The following PARP12 variants were observed in gnomAD, a reference collection of about 807,000 sequenced individuals.
PARP12 encodes poly(ADP-ribose) polymerase family member 12.
PARP12 carries 59 observed loss-of-function variants against 72.4 expected under a neutral mutation model. The ratio of observed to expected loss-of-function variants is 0.81; its 90% CI spans 0.66 to 1.01. PARP12 has a LOEUF of 1.01. PARP12 is among the 50% of genes least tolerant of loss of function. The pLI, the probability that PARP12 is intolerant of heterozygous loss-of-function variation, is 0.00. For missense variants in PARP12, 851 were observed against 914.0 expected (o/e 0.93, Z 0.89); for synonymous variants, 403 against 371.4 (o/e 1.09, Z -0.98).
chr7:140,060,755 G>A (rs1401585854), intron 1 of PARP12, among the ~76,000 whole-genome samples: 1 of 149,598 alleles, frequency 6.7e-6, no homozygotes, highest in Non-Finnish European at 1.5e-5. Flanking sequence ...GCTCTCCCCT[G>A]GACTGCCTCA....
chr7:140,025,364 C>A, intron 11 of PARP12: 2 of 301,012 alleles, frequency 6.6e-6, no homozygotes, highest in Middle Eastern at 4.1e-4. Flanking sequence ...GTCACCTGTA[C>A]ATTTAAATCC....
Position 140,024,648 on chromosome 7 carries a change from T to A in PARP12, c.2018A>T (p.Tyr673Phe). The change falls in exon 12 of 12, where the codon TAT becomes TTT. Residue 673 changes from tyrosine to phenylalanine, a missense_variant. Around this residue, in one of 3 missense-constraint regions of PARP12, gnomAD observed 347 missense variants for 396.1 expected, o/e 0.88. Coordinates refer to ENST00000263549, the MANE Select transcript of PARP12 (RefSeq NM_022750.4). ...GGAGGAGGTGGTGTACTGGATGACA[T>A]ACTCTGGGTAGACCTGGTGTTTCTC... ...IFEKHQVYPE[Y>F]VIQYTTSSKP... 6.2e-7 allele frequency: 1 copy of A among 1,614,054 alleles called. No individual in the cohort carries two copies. Among genetic ancestry groups the A allele is most frequent in the Non-Finnish European group, 8.5e-7 (1 of 1,180,010 alleles).
chr7:140,036,769 A>C (rs1816218445), intron 7 of PARP12, among the ~76,000 whole-genome samples: 3 of 152,140 alleles, frequency 2.0e-5, no homozygotes, highest in Non-Finnish European at 4.4e-5. Context: ...ATAAAGCTGG[A>C]CCGATACACT....
At chr7:140,056,388 G>A (rs1303144836) in intron 3 of PARP12, among the ~76,000 whole-genome samples, 3 of 152,184 alleles carry the variant, frequency 2.0e-5, no homozygotes, top group Non-Finnish European at 2.9e-5. Context: ...TTGATGTCAG[G>A]AATACAGCCA....
intron 4 of PARP12, among the ~76,000 whole-genome samples, chr7:140,052,568 G>A (rs997673477): frequency 1.3e-5 from 2 of 152,012 alleles, no homozygotes; most frequent in Middle Eastern, 3.2e-3. Flanking sequence ...TTTGATAGGG[G>A]CTCTTTCCAA....
rs201384996 is a variant in PARP12, at chr7:140,027,416, G to T, written c.1498-10C>A. The T allele has an allele frequency of 9.9e-6, 16 of 1,613,030 alleles. No homozygotes were observed. Among genetic ancestry groups the T allele is most frequent in the Non-Finnish European group, 1.4e-5 (16 of 1,179,282 alleles). ...AACTAAGGGTGATCTTCTGCAAGGG[G>T]CAAATGTTTTTAATGCATTACCATC... On this transcript the variant is annotated splice_polypyrimidine_tract_variant and intron_variant, in intron 9 of 11. Transcript: ENST00000263549.
At chr7:140,061,691 C>A (rs1817450426) in intron 1 of PARP12, among the ~76,000 whole-genome samples, 1 of 152,204 alleles carries the variant, frequency 6.6e-6, no homozygotes, top group Admixed American at 6.5e-5. Flanking sequence ...CCTCAGCAAT[C>A]CCTTCCACAC....
Position 140,037,860 on chromosome 7 carries a change from C to T in PARP12, c.1183-4G>A, listed in dbSNP as rs371070621. 6.9e-6 allele frequency: 11 copies of T among 1,602,082 alleles called. No homozygotes were observed. In the East Asian group the frequency reaches 1.1e-4, roughly 16 times the overall value. The stretch of plus-strand genomic sequence containing the variant: ...TGGTCACAGGGTGCACCGTGCCCTG[C>T]GATGGAAAGCCAGACACTTTATGAA... On this transcript the variant is annotated splice_polypyrimidine_tract_variant and splice_region_variant and intron_variant, in intron 6 of 11. Transcript: ENST00000263549.
intron 6 of PARP12, 96 bp from the exon 7 acceptor site, chr7:140,037,952 G>C (rs896709524): frequency 7.2e-6 from 11 of 1,519,910 alleles, no homozygotes; most frequent in Non-Finnish European, 9.7e-6. Context: ...GGTGCTCCTG[G>C]TGGACAGTCC....
chr7:140,059,508 C>A (rs1817354486), intron 1 of PARP12, among the ~76,000 whole-genome samples: 1 of 151,894 alleles, frequency 6.6e-6, no homozygotes, highest in African/African-American at 2.4e-5. Context: ...CAAAGATAAA[C>A]CTTTAAATGA....
rs1458354830 is a variant in PARP12, at chr7:140,026,356, C to G, written c.1629-8G>C. On this transcript the variant is annotated splice_polypyrimidine_tract_variant and splice_region_variant and intron_variant, in intron 10 of 11. Coordinates refer to ENST00000263549, the MANE Select transcript of PARP12 (RefSeq NM_022750.4). ...TGCATCTGTCCTTTTTGCCTAGAAT[C>G]ACAGAAGAATGTGTGCTGGGGGCAG... The G allele has an allele frequency of 6.2e-7, 1 of 1,606,286 alleles. No individual in the cohort carries two copies. The highest frequency in any genetic ancestry group is 1.1e-5 in the South Asian group (1 of 90,830).
chr7:140,057,861 C>T (rs749499580), intron 2 of PARP12, 38 bp downstream of exon 2: 1 of 1,612,360 alleles, frequency 6.2e-7, no homozygotes, highest in African/African-American at 1.3e-5. Context: ...GGAATGTCCC[C>T]AGGGAGCTGT....
intron 5 of PARP12, among the ~76,000 whole-genome samples, chr7:140,042,985 G>A (rs939747393): frequency 1.1e-4 from 16 of 152,190 alleles, no homozygotes; most frequent in African/African-American, 3.9e-4. Context: ...CATGAGGTCA[G>A]GAGATCGAGA....
In PARP12 at chr7:140,057,968, G is replaced by A. The variant is rs144538658; in HGVS notation, c.393C>T (p.Gly131=). Residue 131 remains glycine (G), a synonymous_variant, in exon 2 of 12, where the codon GGC becomes GGT. Coordinates refer to ENST00000263549, the MANE Select transcript of PARP12 (RefSeq NM_022750.4). ...EHNLSVLRTH[G]VDHLSYNELC... ...GCTCATTATAGCTCAGGTGGTCAAC[G>A]CCATGAGTTCTCAGCACACTCAGGT... The A allele has an allele frequency of 5.0e-6, 8 of 1,614,076 alleles. No individual in the cohort carries two copies. In the East Asian group the frequency reaches 1.1e-4, roughly 22 times the overall value.
intron 4 of PARP12, among the ~76,000 whole-genome samples, 183 bp from the exon 5 acceptor site, chr7:140,047,190 A>G (rs1255176008): frequency 2.0e-5 from 3 of 152,184 alleles, no homozygotes; most frequent in African/African-American, 7.2e-5. Context: ...TTTGCATTTT[A>G]TTATATACAT....
intron 8 of PARP12, chr7:140,033,956 G>C: frequency 9.5e-7 from 1 of 1,048,030 alleles, no homozygotes; most frequent in Non-Finnish European, 1.2e-6. Context: ...GGATGGGTTG[G>C]CTTCAAGTCT....
intron 10 of PARP12, among the ~76,000 whole-genome samples, chr7:140,026,648 A>C (rs1815750476): frequency 6.7e-6 from 1 of 150,244 alleles, no homozygotes; most frequent in South Asian, 2.1e-4. Flanking sequence ...CCCCAACCCC[A>C]CCCCCACCTT....
chr7:140,055,855 G>C (rs1436222613), intron 3 of PARP12, among the ~76,000 whole-genome samples: 1 of 152,242 alleles, frequency 6.6e-6, no homozygotes, highest in African/African-American at 2.4e-5. Context: ...ATAAAAGTCA[G>C]GTACAATTAG....
rs144172476 is a variant in PARP12 at position 140,024,806 on chromosome 7, G to A, written c.1860C>T (p.Ala620=). ...TGACGAACTCGCCCACCAGCACCCGGGCCAGGAACATCGTGTGGGTCTGCG... is the reference window on the plus strand; with the variant it reads ...TGACGAACTCGCCCACCAGCACCCGAGCCAGGAACATCGTGTGGGTCTGCG... The part of the protein sequence containing the change: ...SDTQTHTMFL[A]RVLVGEFVRG... The change falls in exon 12 of 12, where the codon GCC becomes GCT. Residue 620 remains alanine, a synonymous_variant. Coordinates refer to ENST00000263549, the MANE Select transcript of PARP12 (RefSeq NM_022750.4). 29 of 1,614,034 alleles carry A rather than the reference G, an allele frequency of 1.8e-5. No individual in the cohort carries two copies. The highest frequency in any genetic ancestry group is 2.3e-5 in the Non-Finnish European group (27 of 1,180,020).
Sources: allele counts gnomAD v4.1 joint callset (sites outside exome capture counted in the v4.1 genomes callset), GRCh38; gene constraint gnomAD v4.1.1; regional missense constraint gnomAD v4.1.1; transcripts MANE v1.5; gene names NCBI Gene and HGNC (gene_info 2026-07-23, HGNC 2026-07-21).